The following ABHD8 variants were observed in gnomAD, a reference collection of about 807,000 sequenced individuals.
ABHD8 encodes the protein abhydrolase domain containing 8, also known as protein ABHD8.
In ABHD8, 10 loss-of-function variants were observed where a neutral mutation model predicts 29.3. The observed-to-expected ratio is 0.34, with a 90% CI of 0.21 to 0.58. The LOEUF (loss-of-function observed/expected upper bound fraction) is 0.58. Among genes scored for constraint, ABHD8 ranks in the 20% least tolerant of loss-of-function variants. ABHD8 has a pLI of 0.85. For synonymous variants in ABHD8, 282 were observed against 274.6 expected (o/e 1.03, Z -0.27); for missense variants, 556 against 615.3 (o/e 0.90, Z 1.02).
Position 17,294,317 on chromosome 19 carries a change from G to C in ABHD8, c.1120C>G (p.Pro374Ala). 1 of 1,609,150 alleles carries C rather than the reference G, an allele frequency of 6.2e-7. No homozygotes were observed. ...GCCATGCGCTGGTCTTCCTCCACCG[G>C]CACAAACTTATCGTGCATGCCGTGG... ...LVHGMHDKFV[P>A]VEEDQRMAEI... Residue 374 changes from proline to alanine, a missense_variant, in exon 4 of 5, where the codon CCG becomes GCG. Physicochemically the swap from Pro to Ala is conservative, Grantham distance 27. Coordinates refer to ENST00000247706, the MANE Select transcript of ABHD8 (RefSeq NM_024527.5).
chr19:17,297,503 C>T (rs1353157846), intron 2 of ABHD8, among the ~76,000 whole-genome samples: 7 of 151,954 alleles, frequency 4.6e-5, no homozygotes, highest in African/African-American at 1.5e-4. Context: ...ACCATTTTGG[C>T]CAGGCTGGTC....
rs753900162 is a variant in ABHD8, at chr19:17,294,860, TG to T, written c.762-16del. The T allele has an allele frequency of 2.5e-6, 4 of 1,611,234 alleles. No individual in the cohort carries two copies. Among genetic ancestry groups the T allele is most frequent in the Non-Finnish European group, 3.4e-6 (4 of 1,177,732 alleles). ...AGAAAGAGACACTGCCCGGAACGGG[TG>T]GGGTGATAGGAGGATTGAAGGGAGG... On this transcript the variant is annotated splice_polypyrimidine_tract_variant and intron_variant, in intron 2 of 4. Coordinates refer to ENST00000247706, the MANE Select transcript of ABHD8 (RefSeq NM_024527.5).
Position 17,292,369 on chromosome 19 carries a change from T to G in ABHD8, c.*292A>C. On this transcript the variant is annotated 3_prime_UTR_variant, in exon 5 of 5. Coordinates refer to ENST00000247706, the MANE Select transcript of ABHD8 (RefSeq NM_024527.5). ...TGGGGGGCCTGCCTTGGCCGTGGCG[T>G]TGGGGGGAAGGTGAGGGAGAGCTTC... is the stretch of plus-strand genomic sequence containing the variant. The G allele has an allele frequency of 3.1e-5, 13 of 419,090 alleles. No individual in the cohort carries two copies. Among genetic ancestry groups the G allele is most frequent in the Non-Finnish European group, 3.8e-5 (9 of 237,340 alleles). The allele number at this position is 419,090 out of a possible 1,614,324, so 26.0% of individuals were successfully genotyped here.
At chr19:17,300,643 A>G (rs1010799567) in intron 2 of ABHD8, among the ~76,000 whole-genome samples, 1 of 152,048 alleles carries the variant, frequency 6.6e-6, no homozygotes, top group Non-Finnish European at 1.5e-5. Context: ...ACGTCTGGCT[A>G]ATTTTTGTAT....
At chr19:17,294,110 G>C (rs1053616627) in intron 4 of ABHD8, among the ~76,000 whole-genome samples, 178 bp downstream of exon 4, 1 of 152,100 alleles carries the variant, frequency 6.6e-6, no homozygotes, top group Admixed American at 6.6e-5. Context: ...TAATGCTCCT[G>C]TTTGCCTGGG....
At chr19:17,292,884 C>A in intron 4 of ABHD8, 53 bp from the exon 5 acceptor site, 1 of 1,568,526 alleles carries the variant, frequency 6.4e-7, no homozygotes, top group South Asian at 1.2e-5. Context: ...TGGAGAGAGG[C>A]CAGGCTTCCC....
chr19:17,301,805 TG>T (rs1440925333), intron 1 of ABHD8, among the ~76,000 whole-genome samples, 181 bp from the exon 2 acceptor site: 6 of 148,656 alleles, frequency 4.0e-5, no homozygotes, highest in Non-Finnish European at 9.0e-5. Flanking sequence ...TGTGTGTGTG[TG>T]TGTTTTTGAG....
chr19:17,292,875 G>A (rs773436699), intron 4 of ABHD8, 44 bp from the exon 5 acceptor site: 1 of 1,585,020 alleles, frequency 6.3e-7, no homozygotes, highest in Admixed American at 1.7e-5. Flanking sequence ...GCAAGAGGGT[G>A]GAGAGAGGCC....
intron 2 of ABHD8, chr19:17,298,080 A>AATT (rs1358693331): frequency 6.6e-6 from 1 of 151,250 alleles, no homozygotes; most frequent in Admixed American, 6.6e-5. Flanking sequence ...ATGCCTGGCT[A>AATT]ATTTTTTTTT....
rs1262495085 is a variant in ABHD8, at chr19:17,292,461, G to C, written c.*200C>G. On this transcript the variant is annotated 3_prime_UTR_variant, in exon 5 of 5. Transcript: ENST00000247706. ...AAAACGCCGATGGGCCCCGCGGGAC[G>C]GAAGCGGAGAGCGGAATGTCCGCTG... 8.2e-6 allele frequency: 5 copies of C among 610,762 alleles called. No homozygotes were observed. Among genetic ancestry groups the C allele is most frequent in the Non-Finnish European group, 1.3e-5 (5 of 381,674 alleles). The allele number at this position is 610,762 out of a possible 1,614,324, so 37.8% of individuals were successfully genotyped here.
Position 17,292,172 on chromosome 19 carries a change from T to G in ABHD8, c.*489A>C, listed in dbSNP as rs1335260006. 2 of 178,354 alleles carry G rather than the reference T, an allele frequency of 1.1e-5. No individual in the cohort carries two copies. The highest frequency in any genetic ancestry group is 2.3e-5 in the Non-Finnish European group (2 of 85,736). The allele number at this position is 178,354 out of a possible 1,614,324, so 11.0% of individuals were successfully genotyped here. On this transcript the variant is annotated 3_prime_UTR_variant, in exon 5 of 5. Transcript: ENST00000247706. The stretch of plus-strand genomic sequence containing the variant: ...GTTTATTGAGTTACAAGTTGAGATG[T>G]GCAGGTTCGGTGGCGCCAGCCCCCC...
chr19:17,300,321 C>T (rs2074111683), intron 2 of ABHD8, among the ~76,000 whole-genome samples: 1 of 151,450 alleles, frequency 6.6e-6, no homozygotes, highest in Non-Finnish European at 1.5e-5. Context: ...TCTCCTGCCT[C>T]AGCCCTTAAG....
At chr19:17,298,506 G>C (rs1182319218) in intron 2 of ABHD8, 1 of 152,158 alleles carries the variant, frequency 6.6e-6, no homozygotes, top group East Asian at 1.9e-4. Context: ...CTCCAGGGCA[G>C]TTGATTTTTT....
In ABHD8 at chr19:17,294,326, T is replaced by C. The variant is rs1449590839; in HGVS notation, c.1111A>G (p.Lys371Glu). 1 of 1,611,186 alleles carries C rather than the reference T, an allele frequency of 6.2e-7. No individual in the cohort carries two copies. The highest frequency in any genetic ancestry group is 8.5e-7 in the Non-Finnish European group (1 of 1,179,944). ...PVLLVHGMHD[K>E]FVPVEEDQRM... Reference sequence around the variant, plus strand: ...TGGTCTTCCTCCACCGGCACAAACTTATCGTGCATGCCGTGGACAAGCAGG... The same window carrying C: ...TGGTCTTCCTCCACCGGCACAAACTCATCGTGCATGCCGTGGACAAGCAGG... Residue 371 changes from lysine (K) to glutamate (E), a missense_variant, in exon 4 of 5, where the codon AAG becomes GAG. Physicochemically the swap from Lys to Glu is moderately conservative, Grantham distance 56. This residue lies in a region of ABHD8 where 270 missense variants were observed against 353.9 expected (regional missense o/e 0.76). Transcript: ENST00000247706.
At chr19:17,293,851 G>A (rs2074081608) in intron 4 of ABHD8, among the ~76,000 whole-genome samples, 1 of 151,982 alleles carries the variant, frequency 6.6e-6, no homozygotes, top group South Asian at 2.1e-4. Context: ...GAACCACCTC[G>A]CCGGGCTAGT....
At chr19:17,300,465 C>G (rs573172687) in intron 2 of ABHD8, among the ~76,000 whole-genome samples, 1 of 151,890 alleles carries the variant, frequency 6.6e-6, no homozygotes, top group East Asian at 1.9e-4. Flanking sequence ...CCTTGGCCCC[C>G]GAAAGCACTG....
intron 1 of ABHD8, among the ~76,000 whole-genome samples, chr19:17,301,978 G>C (rs1469836787): frequency 6.6e-6 from 1 of 152,074 alleles, no homozygotes; most frequent in Non-Finnish European, 1.5e-5. Flanking sequence ...ATTTTTTGTA[G>C]AGATGGGGTT....
chr19:17,300,296 C>T lies in ABHD8; in HGVS notation c.761+560G>A, dbSNP rs546273290. Among the ~76,000 whole-genome samples the T allele has an allele frequency of 2.4e-3, 361 of 151,992 alleles. 2 individuals carry two copies. The highest frequency in any genetic ancestry group is 1.8e-3 in the Non-Finnish European group (120 of 67,964). On this transcript the variant is annotated intron_variant, in intron 2 of 4. Coordinates refer to ENST00000247706, the MANE Select transcript of ABHD8 (RefSeq NM_024527.5). Reference sequence around the variant, plus strand: ...TCACAGTTCACTGCAGCCTCGACCTCCCAGACTCAAGCAATCTCCTGCCTC... The same window carrying T: ...TCACAGTTCACTGCAGCCTCGACCTTCCAGACTCAAGCAATCTCCTGCCTC...
In ABHD8 at chr19:17,294,277, C is replaced by T; in HGVS notation, c.1149+11G>A. The stretch of plus-strand genomic sequence containing the variant: ...ATTTGTAGCTGTGGCGCCCCAGGTG[C>T]CCGCCTCTACCTCGGCCATGCGCTG... On this transcript the variant is annotated intron_variant, in intron 4 of 4. Transcript: ENST00000247706. 1 of 1,594,390 alleles carries T rather than the reference C, an allele frequency of 6.3e-7. No homozygotes were observed.
Sources: gnomAD v4.1 joint callset for allele counts (sites outside exome capture counted in the v4.1 genomes callset) on GRCh38, gnomAD v4.1.1 for gene constraint, gnomAD v4.1.1 regional missense constraint, MANE v1.5 for transcripts, NCBI Gene and HGNC (gene_info 2026-07-23, HGNC 2026-07-21) for gene names.